CEP170B: variants seen among roughly 807,000 people sequenced by gnomAD.
The protein encoded by CEP170B is centrosomal protein 170B.
Under a neutral mutation model 120.6 loss-of-function variants are expected in CEP170B, and 55 were observed. That is an observed-to-expected ratio of 0.46 (90% CI 0.37 to 0.57). The LOEUF is 0.57. CEP170B is among the 20% of genes least tolerant of loss of function. The pLI is 0.00. For missense variants in CEP170B, 2,212 were observed against 2,253.3 expected, an observed-to-expected ratio of 0.98 and a Z score of 0.37; for synonymous variants, 1,033 against 954.5, an observed-to-expected ratio of 1.08 and a Z score of -1.52.
intron 6 of CEP170B, among the ~76,000 whole-genome samples, chr14:104,881,614 G>A (rs1896160823): frequency 1.3e-5 from 2 of 152,204 alleles, no homozygotes; most frequent in South Asian, 2.1e-4. Context: ...GACAGCCAGT[G>A]TGGGGCTGTC....
At chr14:104,872,417 G>GTGTGCGTGT (rs1566852598) in intron 2 of CEP170B, among the ~76,000 whole-genome samples, 1 of 54,570 alleles carries the variant, frequency 1.8e-5, no homozygotes, top group Admixed American at 2.1e-4. Flanking sequence ...GTGTGCCGTG[G>GTGTGCGTGT]GTGTGCCGTG....
At chr14:104,894,415 C>T (rs1435469265) in intron 17 of CEP170B, 37 bp downstream of exon 17, 8 of 1,607,060 alleles carry the variant, frequency 5.0e-6, no homozygotes, top group Non-Finnish European at 4.3e-6. Flanking sequence ...GGCCTGCCCC[C>T]AGCCAGCCTG....
rs1896417920 is a variant in CEP170B at position 104,885,352 on chromosome 14, C to T, written c.1771-17C>T. 3.2e-6 allele frequency: 5 copies of T among 1,544,194 alleles called. No homozygotes were observed. The highest frequency in any genetic ancestry group is 4.4e-6 in the Non-Finnish European group (5 of 1,146,928). On this transcript the variant is annotated splice_polypyrimidine_tract_variant and intron_variant, in intron 9 of 18. Coordinates refer to ENST00000414716, the MANE Select transcript of CEP170B (RefSeq NM_001112726.3). ...CTTCTCTGACCCTCGGTGCCTGGGACCATTTCCTCTTGGCAGGTCTTTGGG... is the reference window on the plus strand; with the variant it reads ...CTTCTCTGACCCTCGGTGCCTGGGATCATTTCCTCTTGGCAGGTCTTTGGG...
At position 104,883,076 on chromosome 14, in the gene CEP170B, G is replaced by A. The variant is rs775316549; in HGVS notation, c.619G>A (p.Gly207Ser). 28 of 1,559,218 alleles carry A rather than the reference G, an allele frequency of 1.8e-5. No homozygotes were observed. The highest frequency in any genetic ancestry group is 2.7e-5 in the African/African-American group (2 of 73,574). ...GPVQQDGELH[G>S]FRAPAEPQGC... ...AGTGCAGCAGGACGGGGAGCTCCAC[G>A]GCTTCCGCGCCCCTGCTGAGCCTCA... is the stretch of plus-strand genomic sequence containing the variant. The change falls in exon 8 of 19, where the codon GGC becomes AGC. Residue 207 changes from glycine (G) to serine (S), a missense_variant. By Grantham distance (56) the Gly-to-Ser change is moderately conservative. Transcript: ENST00000414716.
rs1895447533 is a variant in CEP170B, at chr14:104,870,932, C to T, written c.105+2377C>T. Among the ~76,000 whole-genome samples, 1 of 152,058 alleles carries T rather than the reference C, an allele frequency of 6.6e-6. No homozygotes were observed. Among genetic ancestry groups the T allele is most frequent in the South Asian group, 2.1e-4 (1 of 4,832 alleles). On this transcript the variant is annotated intron_variant, in intron 2 of 18. Coordinates refer to ENST00000414716, the MANE Select transcript of CEP170B (RefSeq NM_001112726.3). The surrounding 1 kb of genome is among the most constrained non-coding windows in gnomAD (Gnocchi z 4.1). ...GCCCCTGCAGCGGCCTCCTACCTGC[C>T]CACCGCTGCCCCCTGCCGGCCTCTG...
intron 3 of CEP170B, 72 bp from the exon 4 acceptor site, chr14:104,877,809 CACCA>C: frequency 1.5e-6 from 1 of 646,446 alleles, no homozygotes; most frequent in Non-Finnish European, 2.5e-6. Flanking sequence ...TGCTCAGCCC[CACCA>C]CCCTGCGGCC....
rs1031944167 is a variant in CEP170B at position 104,895,077 on chromosome 14, C to T, written c.*119C>T. 2 of 1,208,462 alleles carry T rather than the reference C, an allele frequency of 1.7e-6. No homozygotes were observed. Among genetic ancestry groups the T allele is most frequent in the Non-Finnish European group, 2.2e-6 (2 of 891,588 alleles). 74.9% of individuals were successfully genotyped at this position (1,208,462 alleles called of 1,614,324 possible). A position where few individuals can be genotyped will look rare whatever the true frequency, so the allele number is the denominator to read the frequency against. ...CTGAAGACCCCCACATGTGCCATAT[C>T]CCTGTGGGCGGGTGCCTCCCACGCC... On this transcript the variant is annotated 3_prime_UTR_variant, in exon 19 of 19. Transcript: ENST00000414716.
intron 8 of CEP170B, 76 bp downstream of exon 8, chr14:104,883,584 C>T: frequency 5.7e-6 from 8 of 1,396,090 alleles, no homozygotes; most frequent in Non-Finnish European, 7.6e-6. Context: ...TGCACTGTTG[C>T]CATGCAGAGG....
At chr14:104,885,920 G>A (rs1394337003) in intron 10 of CEP170B, 120 bp from the exon 11 acceptor site, 24 of 886,768 alleles carry the variant, frequency 2.7e-5, no homozygotes, top group Non-Finnish European at 3.7e-5. Context: ...GCAGGCCCTG[G>A]GTGGCGCGCA....
In CEP170B at chr14:104,887,665, T is replaced by C; in HGVS notation, c.3426T>C (p.Gly1142=). 1 of 1,568,442 alleles carries C rather than the reference T, an allele frequency of 6.4e-7. No individual in the cohort carries two copies. The highest frequency in any genetic ancestry group is 1.2e-5 in the South Asian group (1 of 85,864). The change falls in exon 12 of 19, where the codon GGT becomes GGC. Residue 1142 remains glycine (G), a synonymous_variant. Transcript: ENST00000414716. ...GDASDTEAAD[G]ERGSLGNPEP... The stretch of plus-strand genomic sequence containing the variant: ...CTTCAGACACTGAGGCTGCGGATGG[T>C]GAGCGGGGGTCCCTGGGCAACCCTG...
chr14:104,884,453 G>A lies in CEP170B; in HGVS notation c.1674G>A (p.Gln558=). Residue 558 remains glutamine (Q), a synonymous_variant, in exon 9 of 19, where the codon CAG becomes CAA. Coordinates refer to ENST00000414716, the MANE Select transcript of CEP170B (RefSeq NM_001112726.3). ...TDPQLTKARK[Q]EEDDSLSDAG... is the part of the protein sequence containing the mutation. ...CCCAGCTGACCAAGGCACGGAAACA[G>A]GAGGAGGACGACAGCCTCAGTGACG... 6.4e-7 allele frequency: 1 copy of A among 1,555,796 alleles called. No homozygotes were observed. Among genetic ancestry groups the A allele is most frequent in the Non-Finnish European group, 8.7e-7 (1 of 1,149,888 alleles).
At chr14:104,893,985 G>A in intron 16 of CEP170B, 136 bp downstream of exon 16, 3 of 844,720 alleles carry the variant, frequency 3.6e-6, no homozygotes, top group Non-Finnish European at 3.8e-6. Flanking sequence ...GCCCTCCCGT[G>A]TGCACGTGTA....
At position 104,883,254 on chromosome 14, in the gene CEP170B, A is replaced by C; in HGVS notation, c.797A>C (p.His266Pro). ...GGAGCGGCCCCTGTGGTGCAGAGCC[A>C]CGCCTCCTTCACCATCGAGTTTGAT... is the stretch of plus-strand genomic sequence containing the variant. ...GGGAAPVVQS[H>P]ASFTIEFDDC... Residue 266 changes from histidine (H) to proline (P), a missense_variant, in exon 8 of 19, where the codon CAC (histidine) becomes CCC (proline). By Grantham distance (77) the His-to-Pro change is moderately conservative (BLOSUM62 -2). Coordinates refer to ENST00000414716, the MANE Select transcript of CEP170B (RefSeq NM_001112726.3). 6.2e-7 allele frequency: 1 copy of C among 1,611,514 alleles called. No homozygotes were observed. The highest frequency in any genetic ancestry group is 1.3e-5 in the African/African-American group (1 of 74,722).
At position 104,877,913 on chromosome 14, in the gene CEP170B, A is replaced by ACCAGAAGTACGTCACG; in HGVS notation, c.226_241dup (p.Leu81ProfsTer38). ...TTTGTGAATGACATGCGCATCCCGGACCAGAAGTACGTCACGCTGAAGCTC... is the reference window on the plus strand; with the variant it reads ...TTTGTGAATGACATGCGCATCCCGGACCAGAAGTACGTCACGCCAGAAGTACGTCACGCTGAAGCTC... On this transcript the variant is annotated frameshift_variant, in exon 4 of 19. Transcript: ENST00000414716. LOFTEE classifies it high-confidence loss of function. The ACCAGAAGTACGTCACG allele has an allele frequency of 6.6e-7, 1 of 1,506,150 alleles. No homozygotes were observed. The highest frequency in any genetic ancestry group is 8.9e-7 in the Non-Finnish European group (1 of 1,118,070). 93.3% of individuals were successfully genotyped at this position (1,506,150 alleles called of 1,614,324 possible).
At chr14:104,866,206 G>C (rs1261846673) in intron 1 of CEP170B, among the ~76,000 whole-genome samples, 1 of 152,352 alleles carries the variant, frequency 6.6e-6, no homozygotes, top group South Asian at 2.1e-4. Context: ...CAGGGTGGGC[G>C]GCCGGGGCAG....
chr14:104,866,427 G>C (rs928778731), intron 1 of CEP170B, among the ~76,000 whole-genome samples: 3 of 152,112 alleles, frequency 2.0e-5, no homozygotes, highest in African/African-American at 7.2e-5. Context: ...GCAGCCCTAG[G>C]GAGGGTGGGG....
chr14:104,874,779 C>G (rs868850253), intron 2 of CEP170B, among the ~76,000 whole-genome samples: 3 of 152,026 alleles, frequency 2.0e-5, no homozygotes, highest in Non-Finnish European at 4.4e-5. Context: ...GCGCAACCAC[C>G]GTGGCTTGAG....
rs1028990479 is a variant in CEP170B at position 104,891,938 on chromosome 14, T to C, written c.3879-1038T>C. ...TGGGGCCAGGGCAGCCAGTGGGATG[T>C]GCAAGGCCATCTGGGCAGAGGGTGC... On this transcript the variant is annotated intron_variant, in intron 13 of 18. Coordinates refer to ENST00000414716, the MANE Select transcript of CEP170B (RefSeq NM_001112726.3). The surrounding 1 kb of genome is among the most constrained non-coding windows in gnomAD (Gnocchi z 4.3). 2.6e-5 allele frequency among the ~76,000 whole-genome samples: 4 copies of C among 152,224 alleles called. No individual in the cohort carries two copies. The highest frequency in any genetic ancestry group is 4.4e-5 in the Non-Finnish European group (3 of 68,004).
intron 11 of CEP170B, 69 bp downstream of exon 11, chr14:104,886,199 C>T (rs7144557): frequency 0.035 from 51,094 of 1,472,764 alleles, 1,007 homozygotes; most frequent in Middle Eastern, 0.051. Context: ...TGACCACGGA[C>T]ACAGGCTGCC....
Sources: gnomAD v4.1 joint callset for allele counts (sites outside exome capture counted in the v4.1 genomes callset) on GRCh38, gnomAD v4.1.1 for gene constraint, Gnocchi (gnomAD v3.1) non-coding constraint, MANE v1.5 for transcripts, NCBI Gene and HGNC (gene_info 2026-07-23, HGNC 2026-07-21) for gene names.